RANBP17: variants seen among roughly 807,000 people sequenced by gnomAD.
RANBP17 encodes RAN binding protein 17.
RANBP17 carries 158 observed loss-of-function variants against 141.2 expected under a neutral mutation model. That is an observed-to-expected ratio of 1.12 (90% CI 0.98 to 1.28). The LOEUF (loss-of-function observed/expected upper bound fraction) is 1.28. Among genes scored for constraint, RANBP17 ranks in the 50% most tolerant of loss-of-function variants. RANBP17 has a pLI of 0.00. For synonymous variants in RANBP17, 430 were observed against 450.0 expected (o/e 0.96, Z 0.56); for missense variants, 1,438 against 1,290.7 (o/e 1.11, Z -1.75).
intron 14 of RANBP17, among the ~76,000 whole-genome samples, chr5:171,049,918 G>C (rs1156268583): frequency 6.6e-6 from 1 of 152,028 alleles, no homozygotes; most frequent in Admixed American, 6.6e-5. Flanking sequence ...CTCCAGCTTT[G>C]TTTCTTTTGC....
At chr5:171,103,540 G>A (rs956809831) in intron 14 of RANBP17, among the ~76,000 whole-genome samples, 4 of 152,230 alleles carry the variant, frequency 2.6e-5, no homozygotes, top group Admixed American at 6.5e-5. Flanking sequence ...GCTAGGCTCC[G>A]TGGGGGTGAG....
chr5:171,257,846 C>A (rs1158567108), intron 24 of RANBP17, among the ~76,000 whole-genome samples: 1 of 152,042 alleles, frequency 6.6e-6, no homozygotes, highest in African/African-American at 2.4e-5. Flanking sequence ...TGGCTCACGC[C>A]TGTAATCCCA....
intron 14 of RANBP17, among the ~76,000 whole-genome samples, chr5:171,020,148 C>G (rs1780749289): frequency 6.6e-6 from 1 of 151,992 alleles, no homozygotes; most frequent in Admixed American, 6.6e-5. Flanking sequence ...GTTATGATTT[C>G]CGTTCTTTTG....
chr5:171,298,795 T>C lies in RANBP17; in HGVS notation c.3204T>C (p.Asp1068=). Reference sequence around the variant, plus strand: ...AAAATCTGTCTGTATTCAGAAGAGATGTGGCAGAGGCGTTGCGCAGTGATG... The same window carrying C: ...AAAATCTGTCTGTATTCAGAAGAGACGTGGCAGAGGCGTTGCGCAGTGATG... ...FTQNLSVFRR[D]VAEALRSDGN... The change falls in exon 28 of 28, where the codon GAT becomes GAC. Residue 1068 remains aspartate, a synonymous_variant. Transcript: ENST00000523189. The C allele has an allele frequency of 2.5e-6, 4 of 1,614,174 alleles. No individual in the cohort carries two copies. Among genetic ancestry groups the C allele is most frequent in the South Asian group, 2.2e-5 (2 of 91,078 alleles).
At chr5:171,036,244 C>G (rs1321273757) in intron 14 of RANBP17, among the ~76,000 whole-genome samples, 1 of 152,056 alleles carries the variant, frequency 6.6e-6, no homozygotes, top group African/African-American at 2.4e-5. Context: ...CATGAGTACT[C>G]AATTTTTAGC....
chr5:171,125,343 C>CCA (rs1209452760), intron 14 of RANBP17, among the ~76,000 whole-genome samples: 3 of 142,604 alleles, frequency 2.1e-5, no homozygotes, highest in African/African-American at 7.7e-5. Context: ...AAAAGATATT[C>CCA]CACACACACA....
chr5:171,053,217 T>C (rs1256437362), intron 14 of RANBP17, among the ~76,000 whole-genome samples: 1 of 152,144 alleles, frequency 6.6e-6, no homozygotes, highest in Non-Finnish European at 1.5e-5. Context: ...TCTCAACTTT[T>C]ATTTTAGGTT....
chr5:171,209,587 G>A lies in RANBP17; in HGVS notation c.2231+3975G>A, dbSNP rs148807040. Among the ~76,000 whole-genome samples, 450 of 152,226 alleles carry A rather than the reference G, an allele frequency of 3.0e-3. 2 individuals carry two copies. The highest frequency in any genetic ancestry group is 0.01 in the African/African-American group (427 of 41,534). ...GCCCACTCTCTAGTTGATCACACATGACTAATAAACAATAAAATGTCAGTG... is the reference window on the plus strand; with the variant it reads ...GCCCACTCTCTAGTTGATCACACATAACTAATAAACAATAAAATGTCAGTG... On this transcript the variant is annotated intron_variant, in intron 20 of 27. Transcript: ENST00000523189.
chr5:171,277,270 C>G (rs1281683091), intron 25 of RANBP17, among the ~76,000 whole-genome samples: 2 of 151,882 alleles, frequency 1.3e-5, no homozygotes, highest in South Asian at 2.1e-4. Context: ...GAAAATGACA[C>G]CTAGGATCGT....
intron 14 of RANBP17, among the ~76,000 whole-genome samples, chr5:171,145,884 G>T (rs959027971): frequency 6.6e-6 from 1 of 152,094 alleles, no homozygotes; most frequent in Non-Finnish European, 1.5e-5. Flanking sequence ...TAATAATGTG[G>T]GTTTTTAGAT....
chr5:171,150,910 CTG>C (rs1367169038), intron 14 of RANBP17, among the ~76,000 whole-genome samples: 2 of 152,182 alleles, frequency 1.3e-5, no homozygotes, highest in African/African-American at 2.4e-5. Context: ...TTGAGGAACA[CTG>C]TTGGAACTTG....
intron 14 of RANBP17, among the ~76,000 whole-genome samples, chr5:171,130,709 T>C (rs1756854469): frequency 6.6e-6 from 1 of 152,158 alleles, no homozygotes; most frequent in South Asian, 2.1e-4. Context: ...AATACTTTTT[T>C]ATATATATGT....
rs551444934 is a variant in RANBP17 at position 171,012,737 on chromosome 5, C to T, written c.1710+44360C>T. ...TTCAGTTACCTCATAATTTTCATGA[C>T]AGTTTTAATAGGTAGAAATAATTAC... is the stretch of plus-strand genomic sequence containing the variant. On this transcript the variant is annotated intron_variant, in intron 14 of 27. Coordinates refer to ENST00000523189, the MANE Select transcript of RANBP17 (RefSeq NM_022897.5). Among the ~76,000 whole-genome samples, 5 of 152,196 alleles carry T rather than the reference C, an allele frequency of 3.3e-5. No individual in the cohort carries two copies. In the East Asian group the frequency reaches 7.7e-4, roughly 23 times the overall value.
intron 1 of RANBP17, among the ~76,000 whole-genome samples, chr5:170,872,579 T>C (rs1009582579): frequency 6.6e-6 from 1 of 152,350 alleles, no homozygotes; most frequent in East Asian, 1.9e-4. Context: ...GGTATCCTTG[T>C]CTTGTGCCAG....
chr5:170,894,021 T>A (rs1021399640), intron 4 of RANBP17, among the ~76,000 whole-genome samples: 1 of 152,200 alleles, frequency 6.6e-6, no homozygotes, highest in African/African-American at 2.4e-5. Context: ...TAGGTTATGC[T>A]GCTTCTGTCT....
At chr5:171,175,852 A>T (rs187806061) in intron 16 of RANBP17, among the ~76,000 whole-genome samples, 1 of 151,760 alleles carries the variant, frequency 6.6e-6, no homozygotes, top group Admixed American at 6.6e-5. Flanking sequence ...AGTTCTCAAG[A>T]TTAATGACTT....
intron 1 of RANBP17, among the ~76,000 whole-genome samples, chr5:170,872,196 G>A (rs1581016944): frequency 6.6e-6 from 1 of 152,120 alleles, no homozygotes; most frequent in South Asian, 2.1e-4. Flanking sequence ...ATTTCCTCGA[G>A]CAGTGGTTTA....
chr5:171,009,766 C>A (rs1418805282), intron 14 of RANBP17, among the ~76,000 whole-genome samples: 1 of 152,014 alleles, frequency 6.6e-6, no homozygotes, highest in Non-Finnish European at 1.5e-5. Flanking sequence ...ACACTTGTAT[C>A]AAGTAACCAT....
chr5:171,003,597 G>A (rs1305247786), intron 14 of RANBP17, among the ~76,000 whole-genome samples: 1 of 152,200 alleles, frequency 6.6e-6, no homozygotes, highest in Non-Finnish European at 1.5e-5. Context: ...TGGAGAATTA[G>A]TGTTGAAGGA....
Sources: gnomAD v4.1 joint callset for allele counts (sites outside exome capture counted in the v4.1 genomes callset) on GRCh38, gnomAD v4.1.1 for gene constraint, MANE v1.5 for transcripts, NCBI Gene and HGNC (gene_info 2026-07-23, HGNC 2026-07-21) for gene names.